Variants in DYNC1I1 observed in about 807,000 individuals in gnomAD.
The protein encoded by DYNC1I1 is dynein cytoplasmic 1 intermediate chain 1, also known as cytoplasmic dynein 1 intermediate chain 1.
Under a neutral mutation model 86.6 loss-of-function variants are expected in DYNC1I1, and 43 were observed. The observed-to-expected ratio is 0.50, with a 90% CI of 0.39 to 0.64. The LOEUF (loss-of-function observed/expected upper bound fraction) is 0.64. Among genes scored for constraint, DYNC1I1 ranks in the 30% least tolerant of loss-of-function variants. The pLI, the probability that DYNC1I1 is intolerant of heterozygous loss-of-function variation, is 0.00. For missense variants in DYNC1I1, 604 were observed against 788.8 expected, an observed-to-expected ratio of 0.77 and a Z score of 2.81; for synonymous variants, 262 against 283.7, an observed-to-expected ratio of 0.92 and a Z score of 0.77.
intron 10 of DYNC1I1, among the ~76,000 whole-genome samples, chr7:96,015,727 T>A (rs190601841): frequency 6.6e-6 from 1 of 152,260 alleles, no homozygotes; most frequent in African/African-American, 2.4e-5. Flanking sequence ...GTATTTTCTA[T>A]GCTGCAGCCA....
In DYNC1I1 at chr7:95,867,061, G is replaced by A. The variant is rs556543187; in HGVS notation, c.375-2822G>A. On this transcript the variant is annotated intron_variant, in intron 5 of 16. Coordinates refer to ENST00000447467, the MANE Select transcript of DYNC1I1 (RefSeq NM_001135556.2). Reference sequence around the variant, plus strand: ...ATGTTTCAAAGGAAAAGAAGTTAAGGAAAAGCAAATGAACTCTCCCAAGCA... The same window carrying A: ...ATGTTTCAAAGGAAAAGAAGTTAAGAAAAAGCAAATGAACTCTCCCAAGCA... 3.3e-5 allele frequency among the ~76,000 whole-genome samples: 5 copies of A among 152,246 alleles called. No homozygotes were observed. In the East Asian group the frequency reaches 9.6e-4, roughly 29 times the overall value.
chr7:96,047,494 A>C (rs1376007515), intron 14 of DYNC1I1, among the ~76,000 whole-genome samples: 2 of 152,250 alleles, frequency 1.3e-5, no homozygotes, highest in Admixed American at 6.5e-5. Flanking sequence ...AAAGACTGTT[A>C]AACACCAGAG....
intron 6 of DYNC1I1, among the ~76,000 whole-genome samples, chr7:95,956,408 A>C (rs369914502): frequency 3.8e-4 from 56 of 147,124 alleles, no homozygotes; most frequent in African/African-American, 1.3e-3. Context: ...TTATACTTTA[A>C]GTTCTGGGAT....
At chr7:95,981,321 C>A (rs200215443) in intron 7 of DYNC1I1, among the ~76,000 whole-genome samples, 1 of 151,894 alleles carries the variant, frequency 6.6e-6, no homozygotes, top group Non-Finnish European at 1.5e-5. Flanking sequence ...CAAGAAAACA[C>A]GGCAAATGAA....
chr7:95,810,696 T>C (rs918268296), intron 3 of DYNC1I1, among the ~76,000 whole-genome samples, 190 bp downstream of exon 3: 5 of 147,656 alleles, frequency 3.4e-5, no homozygotes, highest in African/African-American at 1.3e-4. Flanking sequence ...GGGAGGAAAG[T>C]TGTAGAATTG....
chr7:96,084,167 C>T (rs3819444), intron 16 of DYNC1I1, among the ~76,000 whole-genome samples: 5,200 of 151,964 alleles, frequency 0.034, 255 homozygotes, highest in East Asian at 0.23. Context: ...GGGCACCGTG[C>T]TTAGGGGAGC....
intron 3 of DYNC1I1, 69 bp from the exon 4 acceptor site, chr7:95,813,178 G>T: frequency 6.3e-7 from 1 of 1,596,866 alleles, no homozygotes; most frequent in South Asian, 1.1e-5. Context: ...TGATTTGTCT[G>T]ACACTGCTCT....
chr7:96,078,448 A>G (rs1046242217), intron 15 of DYNC1I1, among the ~76,000 whole-genome samples: 3 of 152,136 alleles, frequency 2.0e-5, no homozygotes, highest in Admixed American at 6.5e-5. Context: ...TTCTTCATGC[A>G]TTTATGAATT....
intron 6 of DYNC1I1, among the ~76,000 whole-genome samples, chr7:95,902,562 A>G (rs1347867706): frequency 1.3e-5 from 2 of 152,200 alleles, no homozygotes; most frequent in African/African-American, 4.8e-5. Context: ...TTGCTGTGTT[A>G]AGCAATATGT....
rs574090468 is a variant in DYNC1I1 at position 95,827,622 on chromosome 7, A to G, written c.315-435A>G. On this transcript the variant is annotated intron_variant, in intron 4 of 16. Coordinates refer to ENST00000447467, the MANE Select transcript of DYNC1I1 (RefSeq NM_001135556.2). ...GTTATTCACCAGGCCCTGCAGTCAT[A>G]CCCCTGCCCTTACCCATTTGCACCC... 5.3e-4 allele frequency among the ~76,000 whole-genome samples: 81 copies of G among 152,134 alleles called. 1 individual carries two copies. The South Asian group carries it at 0.013, about 25-fold the overall frequency.
intron 15 of DYNC1I1, among the ~76,000 whole-genome samples, chr7:96,078,306 G>A (rs1029290732): frequency 6.6e-6 from 1 of 152,110 alleles, no homozygotes; most frequent in African/African-American, 2.4e-5. Flanking sequence ...ATTGAGCCAG[G>A]AAAACTGTGG....
At chr7:95,823,993 GT>G (rs10550145) in intron 4 of DYNC1I1, among the ~76,000 whole-genome samples, 6,488 of 78,212 alleles carry the variant, frequency 0.083, 213 homozygotes, top group East Asian at 0.12. Context: ...TTGGTTTTTT[GT>G]TTTTTTTTTT....
At chr7:95,829,733 A>G (rs981059934) in intron 5 of DYNC1I1, among the ~76,000 whole-genome samples, 1 of 152,156 alleles carries the variant, frequency 6.6e-6, no homozygotes, top group Admixed American at 6.6e-5. Flanking sequence ...GGGATATAGC[A>G]TATCTGTGGA....
chr7:95,871,904 A>G (rs1240697198), intron 6 of DYNC1I1, among the ~76,000 whole-genome samples: 1 of 152,230 alleles, frequency 6.6e-6, no homozygotes, highest in African/African-American at 2.4e-5. Flanking sequence ...CATGGTTCAG[A>G]TTACAATACA....
chr7:96,045,298 A>G (rs1242187246), intron 14 of DYNC1I1, among the ~76,000 whole-genome samples: 1 of 152,190 alleles, frequency 6.6e-6, no homozygotes, highest in Non-Finnish European at 1.5e-5. Context: ...TAAAAAGTCA[A>G]GGATGTGGTC....
chr7:96,063,829 C>A (rs1182862348), intron 14 of DYNC1I1, among the ~76,000 whole-genome samples: 1 of 152,162 alleles, frequency 6.6e-6, no homozygotes, highest in Non-Finnish European at 1.5e-5. Context: ...CACAATTGAT[C>A]CTTGGTTATG....
At chr7:95,864,811 T>A (rs2116141146) in intron 5 of DYNC1I1, among the ~76,000 whole-genome samples, 1 of 152,226 alleles carries the variant, frequency 6.6e-6, no homozygotes, top group South Asian at 2.1e-4. Context: ...GCCCATTCAG[T>A]GGCACTAAAG....
intron 6 of DYNC1I1, among the ~76,000 whole-genome samples, chr7:95,929,197 T>A (rs1041433432): frequency 1.3e-5 from 2 of 152,164 alleles, no homozygotes; most frequent in African/African-American, 4.8e-5. Flanking sequence ...CCTCCCAGGG[T>A]GCCCATGCCT....
chr7:95,941,683 C>T (rs12535687), intron 6 of DYNC1I1, among the ~76,000 whole-genome samples: 103,840 of 152,028 alleles, frequency 0.68, 36,341 homozygotes, highest in East Asian at 0.9. Flanking sequence ...GGGAGTGACC[C>T]GATTTTCCAG....
Sources: gnomAD v4.1 joint callset for allele counts (sites outside exome capture counted in the v4.1 genomes callset) on GRCh38, gnomAD v4.1.1 for gene constraint, MANE v1.5 for transcripts, NCBI Gene and HGNC (gene_info 2026-07-23, HGNC 2026-07-21) for gene names.